The following ANAPC7 variants were observed in gnomAD, a reference collection of about 807,000 sequenced individuals.
ANAPC7 encodes anaphase-promoting complex subunit 7.
ANAPC7 carries 25 observed loss-of-function variants against 63.3 expected under a neutral mutation model. The observed-to-expected ratio is 0.39, with a 90% CI of 0.29 to 0.55. The LOEUF (loss-of-function observed/expected upper bound fraction) is 0.55. Ranked by LOEUF, ANAPC7 falls within the 20% of genes least tolerant of loss-of-function variation. The pLI is 0.57. For missense variants in ANAPC7, 516 were observed against 691.7 expected, an observed-to-expected ratio of 0.75 and a Z score of 2.85; for synonymous variants, 241 against 251.7, an observed-to-expected ratio of 0.96 and a Z score of 0.40.
At position 110,374,150 on chromosome 12, in the gene ANAPC7, C is replaced by T; in HGVS notation, c.1692G>A (p.Met564Ile). Residue 564 changes from methionine (M) to isoleucine (I), a missense_variant, in exon 11 of 11, where the codon ATG becomes ATA. Physicochemically the swap from Met to Ile is conservative, Grantham distance 10. Around this residue, in one of 4 missense-constraint regions of ANAPC7, gnomAD observed 122 missense variants for 212.0 expected, o/e 0.58. Transcript: ENST00000455511. ...CCATGGAGCTGCCGCCCCCTCACTG[C>T]ATGCCGAACCACTGCTCCTGGTCAG... is the stretch of plus-strand genomic sequence containing the variant. ...QWADQEQWFG[M>I]Q The T allele has an allele frequency of 6.2e-7, 1 of 1,609,852 alleles. No homozygotes were observed.
chr12:110,396,179 G>C lies in ANAPC7; in HGVS notation c.288+87C>G. On this transcript the variant is annotated intron_variant, in intron 2 of 10. Coordinates refer to ENST00000455511, the MANE Select transcript of ANAPC7 (RefSeq NM_016238.3). ...GTGCAGCCTGGTTCCTAACAGACCA[G>C]GCACTGGGGCCTGGGGACCCTGTTC... is the stretch of plus-strand genomic sequence containing the variant. The C allele has an allele frequency of 3.3e-6, 4 of 1,227,696 alleles. No individual in the cohort carries two copies. In the African/African-American group the frequency reaches 6.2e-5, roughly 19 times the overall value. The allele number at this position is 1,227,696 out of a possible 1,614,324, so 76.1% of individuals were successfully genotyped here.
chr12:110,377,413 A>C lies in ANAPC7; in HGVS notation c.1337T>G (p.Val446Gly). ...CTTACTAAGTAGTTCTGCTTTTTTC[A>C]CCACAGCCTTAATGTAATCTGGCCT... ...TQRPDYIKAV[V>G]KKAELLSREQ... The change falls in exon 9 of 11, where the codon GTG (valine) becomes GGG (glycine). Residue 446 changes from valine (V) to glycine (G), a missense_variant. By Grantham distance (109) the Val-to-Gly change is moderately radical (BLOSUM62 -3). Around this residue, in one of 4 missense-constraint regions of ANAPC7, gnomAD observed 122 missense variants for 212.0 expected, o/e 0.58. Transcript: ENST00000455511. 6.2e-7 allele frequency: 1 copy of C among 1,613,514 alleles called. No individual in the cohort carries two copies. The highest frequency in any genetic ancestry group is 8.5e-7 in the Non-Finnish European group (1 of 1,179,716).
At chr12:110,384,373 C>CA (rs1208297416) in intron 6 of ANAPC7, among the ~76,000 whole-genome samples, 3 of 151,818 alleles carry the variant, frequency 2.0e-5, no homozygotes, top group Non-Finnish European at 4.4e-5. Flanking sequence ...GCCTGAGTGA[C>CA]AGAGTGAGAC....
rs986949507 is a variant in ANAPC7, at chr12:110,393,978, C to A, written c.408+1123G>T. On this transcript the variant is annotated intron_variant, in intron 3 of 10. Coordinates refer to ENST00000455511, the MANE Select transcript of ANAPC7 (RefSeq NM_016238.3). ...ACAAAGTCAGGAGTTCGAGACCAGC[C>A]TGGCCAACATGGTGAAACACCATCT... 3.3e-5 allele frequency among the ~76,000 whole-genome samples: 5 copies of A among 150,120 alleles called. No homozygotes were observed. The Admixed American group carries it at 3.3e-4, about 10-fold the overall frequency.
At chr12:110,398,720 G>A (rs1260584930) in intron 1 of ANAPC7, among the ~76,000 whole-genome samples, 1 of 152,160 alleles carries the variant, frequency 6.6e-6, no homozygotes, top group Non-Finnish European at 1.5e-5. Flanking sequence ...CACTTTGTGA[G>A]GCCAAGGTGG....
chr12:110,395,246 T>C, intron 2 of ANAPC7, 26 bp from the exon 3 acceptor site: 1 of 1,596,372 alleles, frequency 6.3e-7, no homozygotes, highest in Non-Finnish European at 8.5e-7. Context: ...AATATTTCTT[T>C]GAAACGTTAT....
chr12:110,383,234 C>T lies in ANAPC7; in HGVS notation c.818-274G>A, dbSNP rs1002305153. On this transcript the variant is annotated intron_variant, in intron 6 of 10. Coordinates refer to ENST00000455511, the MANE Select transcript of ANAPC7 (RefSeq NM_016238.3). The stretch of plus-strand genomic sequence containing the variant: ...CAGGTGGATCACGAGGTCAGGAGAT[C>T]GAGACCATCCTGGCTAACACGGTGA... 3.0e-5 allele frequency: 9 copies of T among 296,360 alleles called. No homozygotes were observed. In the South Asian group the frequency reaches 3.3e-4, roughly 11 times the overall value. The allele number at this position is 296,360 out of a possible 1,614,324, so 18.4% of individuals were successfully genotyped here.
At position 110,388,547 on chromosome 12, in the gene ANAPC7, A is replaced by C; in HGVS notation, c.485T>G (p.Leu162Arg). 6.2e-7 allele frequency: 1 copy of C among 1,614,194 alleles called. No individual in the cohort carries two copies. The highest frequency in any genetic ancestry group is 8.5e-7 in the Non-Finnish European group (1 of 1,180,022). ...RPSVTSYKEV[L>R]RQCPLALDAI... ...ATCAAGGGCTAATGGGCACTGCCTC[A>C]GCACCTCCTTATAGCTGGTGACTGA... The change falls in exon 4 of 11, where the codon CTG (leucine) becomes CGG (arginine). Residue 162 changes from leucine (L) to arginine (R), a missense_variant. Transcript: ENST00000455511.
Position 110,377,617 on chromosome 12 carries a change from C to T in ANAPC7, c.1133G>A (p.Gly378Asp). Residue 378 changes from glycine to aspartate, a missense_variant and splice_region_variant, in exon 9 of 11, where the codon GGT becomes GAT. By Grantham distance (94) the Gly-to-Asp change is moderately conservative. Around this residue, in one of 4 missense-constraint regions of ANAPC7, gnomAD observed 199 missense variants for 249.3 expected, o/e 0.80. Transcript: ENST00000455511. ...LAPCRLDCYE[G>D]LIECYLASNS... is the part of the protein sequence containing the mutation. Reference sequence around the variant, plus strand: ...GGAGGCTAAGTAACATTCGATAAGACCTGAAAAAAGTAAAACACGTGAAGA... The same window carrying T: ...GGAGGCTAAGTAACATTCGATAAGATCTGAAAAAAGTAAAACACGTGAAGA... The T allele has an allele frequency of 6.2e-7, 1 of 1,614,140 alleles. No individual in the cohort carries two copies. Among genetic ancestry groups the T allele is most frequent in the Non-Finnish European group, 8.5e-7 (1 of 1,180,012 alleles).
chr12:110,398,319 G>A (rs539796838), intron 1 of ANAPC7, among the ~76,000 whole-genome samples: 8 of 152,030 alleles, frequency 5.3e-5, no homozygotes, highest in Non-Finnish European at 1.2e-4. Context: ...AGGAGGCTAA[G>A]ACAGGACAAT....
intron 2 of ANAPC7, 73 bp from the exon 3 acceptor site, chr12:110,395,293 A>G: frequency 2.1e-6 from 3 of 1,452,762 alleles, no homozygotes; most frequent in Non-Finnish European, 2.8e-6. Context: ...CGTTAAACAT[A>G]GAGTTATCAT....
chr12:110,385,102 T>TA lies in ANAPC7; in HGVS notation c.817+1224dup, dbSNP rs952726139. Among the ~76,000 whole-genome samples the TA allele has an allele frequency of 9.2e-5, 14 of 151,882 alleles. 1 individual carries two copies. The highest frequency in any genetic ancestry group is 2.1e-4 in the South Asian group (1 of 4,812). On this transcript the variant is annotated intron_variant, in intron 6 of 10. Coordinates refer to ENST00000455511, the MANE Select transcript of ANAPC7 (RefSeq NM_016238.3). ...AACATGGTGAAACCCCCGTCTCTTC[T>TA]AAAAAAATACAAAAATTAGTTGGGT... is the stretch of plus-strand genomic sequence containing the variant.
At chr12:110,394,457 T>A (rs894591514) in intron 3 of ANAPC7, among the ~76,000 whole-genome samples, 1 of 151,008 alleles carries the variant, frequency 6.6e-6, no homozygotes, top group African/African-American at 2.4e-5. Context: ...CAAAACCCCA[T>A]CTCTACTAAA....
intron 3 of ANAPC7, among the ~76,000 whole-genome samples, chr12:110,391,785 T>C (rs1312063396): frequency 1.3e-5 from 2 of 152,172 alleles, no homozygotes; most frequent in African/African-American, 2.4e-5. Flanking sequence ...ATAGTATCCT[T>C]CAAAGTTTAT....
chr12:110,373,927 G>C lies in ANAPC7; in HGVS notation c.*217C>G. Reference sequence around the variant, plus strand: ...TCGGGGCACTCCCTCAGTCCTCCCTGGCTGGAGCAGGGGAGGATGGAGATA... The same window carrying C: ...TCGGGGCACTCCCTCAGTCCTCCCTCGCTGGAGCAGGGGAGGATGGAGATA... On this transcript the variant is annotated 3_prime_UTR_variant, in exon 11 of 11. Coordinates refer to ENST00000455511, the MANE Select transcript of ANAPC7 (RefSeq NM_016238.3). 2 of 485,750 alleles carry C rather than the reference G, an allele frequency of 4.1e-6. No individual in the cohort carries two copies. 30.1% of individuals were successfully genotyped at this position (485,750 alleles called of 1,614,324 possible).
intron 3 of ANAPC7, among the ~76,000 whole-genome samples, chr12:110,391,342 G>A (rs1314282744): frequency 6.6e-6 from 1 of 152,050 alleles, no homozygotes; most frequent in African/African-American, 2.4e-5. Flanking sequence ...CTCTTAAAAG[G>A]TGAAGATTTA....
At chr12:110,397,751 C>T (rs1014124368) in intron 1 of ANAPC7, among the ~76,000 whole-genome samples, 2 of 151,616 alleles carry the variant, frequency 1.3e-5, no homozygotes, top group South Asian at 2.1e-4. Context: ...CAAAATTAGA[C>T]GGGTGTGGTG....
intron 3 of ANAPC7, among the ~76,000 whole-genome samples, chr12:110,391,259 T>C (rs188685102): frequency 7.3e-4 from 111 of 152,242 alleles, no homozygotes; most frequent in African/African-American, 2.6e-3. Flanking sequence ...TAAAGCCACA[T>C]TCCACCAGTT....
chr12:110,374,417 G>A, intron 10 of ANAPC7, 84 bp from the exon 11 acceptor site: 1 of 1,380,426 alleles, frequency 7.2e-7, no homozygotes, highest in Non-Finnish European at 1.0e-6. Flanking sequence ...GCCCGGCAGT[G>A]AAATGACCAC....
Sources: allele counts gnomAD v4.1 joint callset (sites outside exome capture counted in the v4.1 genomes callset), GRCh38; gene constraint gnomAD v4.1.1; regional missense constraint gnomAD v4.1.1; transcripts MANE v1.5; gene names NCBI Gene and HGNC (gene_info 2026-07-23, HGNC 2026-07-21).